Variants in CDH13 observed in about 807,000 individuals in gnomAD.
The protein encoded by CDH13 is cadherin-13.
In CDH13, 24 loss-of-function variants were observed where a neutral mutation model predicts 63.8. The ratio of observed to expected loss-of-function variants is 0.38; its 90% CI spans 0.27 to 0.53. CDH13 has a LOEUF of 0.53. Ranked by LOEUF, CDH13 falls within the 20% of genes least tolerant of loss-of-function variation. The probability of loss-of-function intolerance (pLI) is 0.85; values close to 1 mark genes in which losing one functional copy is unlikely to be tolerated. For synonymous variants in CDH13, 503 were observed against 355.3 expected, an observed-to-expected ratio of 1.42 and a Z score of -4.67; for missense variants, 1,049 against 903.1, an observed-to-expected ratio of 1.16 and a Z score of -2.07.
At chr16:83,066,363 C>A (rs2032010317) in intron 3 of CDH13, among the ~76,000 whole-genome samples, 1 of 152,058 alleles carries the variant, frequency 6.6e-6, no homozygotes, top group African/African-American at 2.4e-5. Flanking sequence ...TGCAGGCTTC[C>A]CAAGATGTGA....
chr16:83,038,159 A>G (rs1212080743), intron 3 of CDH13, among the ~76,000 whole-genome samples: 1 of 152,222 alleles, frequency 6.6e-6, no homozygotes, highest in Non-Finnish European at 1.5e-5. Context: ...AAGATTCTCT[A>G]AGGCAAATAT....
chr16:83,084,928 T>TACTCA (rs2033485589), intron 3 of CDH13, among the ~76,000 whole-genome samples: 1 of 152,198 alleles, frequency 6.6e-6, no homozygotes, highest in Non-Finnish European at 1.5e-5. Flanking sequence ...GTGTTTTTCT[T>TACTCA]GCCTAACGAG....
intron 10 of CDH13, among the ~76,000 whole-genome samples, chr16:83,700,759 A>G (rs1906098666): frequency 6.6e-6 from 1 of 152,242 alleles, no homozygotes; most frequent in Non-Finnish European, 1.5e-5. Flanking sequence ...CACTGCCCAG[A>G]TATGGCCACC....
intron 8 of CDH13, among the ~76,000 whole-genome samples, chr16:83,670,075 T>C (rs1392187844): frequency 6.6e-6 from 1 of 152,226 alleles, no homozygotes; most frequent in Non-Finnish European, 1.5e-5. Flanking sequence ...CACAGGTACA[T>C]CAAGGCTCCA....
intron 10 of CDH13, among the ~76,000 whole-genome samples, chr16:83,686,775 T>A (rs914232241): frequency 2.0e-5 from 3 of 151,860 alleles, no homozygotes; most frequent in African/African-American, 7.3e-5. Context: ...CAGAGAAAAA[T>A]TTTTAAGGGC....
intron 1 of CDH13, among the ~76,000 whole-genome samples, chr16:82,844,180 G>C (rs561943183): frequency 6.6e-6 from 1 of 152,234 alleles, no homozygotes; most frequent in Non-Finnish European, 1.5e-5. Context: ...AACAGAAGAC[G>C]ATGTGATGAA....
At chr16:82,946,720 C>CAAAA (rs55633638) in intron 2 of CDH13, among the ~76,000 whole-genome samples, 5 of 148,880 alleles carry the variant, frequency 3.4e-5, no homozygotes, top group Admixed American at 1.3e-4. Context: ...AACTCTGTCT[C>CAAAA]AAAAAAAAGA....
intron 6 of CDH13, among the ~76,000 whole-genome samples, chr16:83,459,382 ACT>A (rs1473652287): frequency 1.3e-5 from 2 of 151,760 alleles, no homozygotes; most frequent in Admixed American, 1.3e-4. Flanking sequence ...TAAATAATTG[ACT>A]CTCCCATGTT....
chr16:83,722,549 A>G (rs1909834876), intron 10 of CDH13, among the ~76,000 whole-genome samples: 1 of 152,346 alleles, frequency 6.6e-6, no homozygotes, highest in Middle Eastern at 3.4e-3. Flanking sequence ...CCTCCAGAGA[A>G]TCAGATGTTA....
At chr16:82,673,213 G>T (rs1229209427) in intron 1 of CDH13, among the ~76,000 whole-genome samples, 1 of 151,942 alleles carries the variant, frequency 6.6e-6, no homozygotes, top group African/African-American at 2.4e-5. Flanking sequence ...TTTGGTAGAT[G>T]CAGGTGTTTG....
chr16:83,548,726 CT>C (rs568148972), intron 7 of CDH13, among the ~76,000 whole-genome samples: 2 of 151,404 alleles, frequency 1.3e-5, no homozygotes, highest in Admixed American at 6.6e-5. Flanking sequence ...ACAAGGCAGC[CT>C]TTTTTTTTCT....
intron 7 of CDH13, among the ~76,000 whole-genome samples, chr16:83,566,815 C>T (rs1402282921): frequency 1.3e-5 from 2 of 152,088 alleles, no homozygotes; most frequent in African/African-American, 4.8e-5. Context: ...AGGCAGAATC[C>T]CAGAGAAGAG....
At chr16:82,919,884 C>A (rs1297909455) in intron 2 of CDH13, among the ~76,000 whole-genome samples, 1 of 152,126 alleles carries the variant, frequency 6.6e-6, no homozygotes, top group African/African-American at 2.4e-5. Flanking sequence ...AAATAATAGT[C>A]CTTGCCTTAT....
intron 8 of CDH13, among the ~76,000 whole-genome samples, chr16:83,646,701 AAAAAAAAAAAAAC>A (rs949211115): frequency 8.9e-5 from 5 of 56,210 alleles, no homozygotes; most frequent in African/African-American, 2.3e-4. Flanking sequence ...TCAAAAAAAA[AAAAAAAAAAAAAC>A]ACACACACAC....
chr16:83,221,022 C>A (rs1187328534), intron 5 of CDH13, among the ~76,000 whole-genome samples: 1 of 152,196 alleles, frequency 6.6e-6, no homozygotes, highest in Non-Finnish European at 1.5e-5. Flanking sequence ...CACAGATAAG[C>A]AAATAGCTGT....
At chr16:83,748,379 T>G (rs1912786729) in intron 11 of CDH13, 129 bp downstream of exon 11, 1 of 757,318 alleles carries the variant, frequency 1.3e-6, no homozygotes, top group African/African-American at 1.7e-5. Flanking sequence ...AACAGCAAAG[T>G]AAATGTTTAA....
At chr16:83,674,062 C>T (rs1232300341) in intron 9 of CDH13, among the ~76,000 whole-genome samples, 1 of 152,246 alleles carries the variant, frequency 6.6e-6, no homozygotes, top group Non-Finnish European at 1.5e-5. Context: ...CCCCAGAACA[C>T]CTTCTAGAAG....
intron 3 of CDH13, among the ~76,000 whole-genome samples, chr16:83,060,898 T>C (rs1018336301): frequency 1.3e-5 from 2 of 152,190 alleles, no homozygotes; most frequent in African/African-American, 4.8e-5. Context: ...CTGGTACTAC[T>C]TGATAATAGT....
At position 83,159,915 on chromosome 16, in the gene CDH13, A is replaced by C. The variant is rs1482126635; in HGVS notation, c.483+34414A>C. ...CATGGCGAAAACCCGTATCTACTAA[A>C]AATACAAAAAATTAGCCGGGCATGG... On this transcript the variant is annotated intron_variant, in intron 4 of 13. Transcript: ENST00000567109. Among the ~76,000 whole-genome samples the C allele has an allele frequency of 2.6e-5, 4 of 152,208 alleles. No homozygotes were observed. In the East Asian group the frequency reaches 5.8e-4, roughly 22 times the overall value.
Sources: gnomAD v4.1 joint callset for allele counts (sites outside exome capture counted in the v4.1 genomes callset) on GRCh38, gnomAD v4.1.1 for gene constraint, MANE v1.5 for transcripts, NCBI Gene and HGNC (gene_info 2026-07-23, HGNC 2026-07-21) for gene names.